Variants in PCDHGA7 observed in about 807,000 individuals in gnomAD.
PCDHGA7 encodes the protein protocadherin gamma subfamily A, 7.
In PCDHGA7, 44 loss-of-function variants were observed where a neutral mutation model predicts 58.3. The ratio of observed to expected loss-of-function variants is 0.75; its 90% CI spans 0.59 to 0.97. The LOEUF is 0.97. Ranked by LOEUF, PCDHGA7 falls within the 50% of genes least tolerant of loss-of-function variation. The pLI, the probability that PCDHGA7 is intolerant of heterozygous loss-of-function variation, is 0.00. For synonymous variants in PCDHGA7, 516 were observed against 504.2 expected, an observed-to-expected ratio of 1.02 and a Z score of -0.31; for missense variants, 1,266 against 1,188.7, an observed-to-expected ratio of 1.06 and a Z score of -0.96.
At position 141,487,700 on chromosome 5, in the gene PCDHGA7, C is replaced by A; in HGVS notation, c.2425-7107C>A. On this transcript the variant is annotated intron_variant, in intron 1 of 3. Coordinates refer to ENST00000518325, the MANE Select transcript of PCDHGA7 (RefSeq NM_018920.4). This position sits in a 1 kb window ranked among gnomAD's most constrained non-coding sequence, Gnocchi z 5.0. ...AGGCCATGTCCTAGAGAGTACTGGCCTCTCAGTAAGTGCCCATAGTGATGT... is the reference window on the plus strand; with the variant it reads ...AGGCCATGTCCTAGAGAGTACTGGCATCTCAGTAAGTGCCCATAGTGATGT... The A allele has an allele frequency of 6.3e-7, 1 of 1,597,514 alleles. No homozygotes were observed. Among genetic ancestry groups the A allele is most frequent in the African/African-American group, 1.3e-5 (1 of 74,868 alleles).
intron 1 of PCDHGA7, chr5:141,399,976 C>CTGCGCACAGGAGAGG: frequency 1.2e-6 from 2 of 1,612,242 alleles, no homozygotes; most frequent in Non-Finnish European, 1.7e-6. Flanking sequence ...CAGCCTGGGG[C>CTGCGCACAGGAGAGG]TGCGCACAGG....
chr5:141,409,608 C>T, intron 1 of PCDHGA7: 18 of 1,613,942 alleles, frequency 1.1e-5, no homozygotes, highest in Non-Finnish European at 1.4e-5. Flanking sequence ...CCGCCAGGAG[C>T]CTCCATTGCG....
At chr5:141,464,883 T>G (rs995385615) in intron 1 of PCDHGA7, among the ~76,000 whole-genome samples, 1 of 152,086 alleles carries the variant, frequency 6.6e-6, no homozygotes, top group African/African-American at 2.4e-5. Flanking sequence ...GGACTACAGA[T>G]GGATGCCACC....
chr5:141,478,799 CTT>C, intron 1 of PCDHGA7: 1 of 1,463,738 alleles, frequency 6.8e-7, no homozygotes, highest in Non-Finnish European at 9.0e-7. Flanking sequence ...CCTCAGCACT[CTT>C]TTGCTATCAC....
chr5:141,503,268 C>A (rs1038268807), intron 2 of PCDHGA7, among the ~76,000 whole-genome samples: 6 of 152,068 alleles, frequency 3.9e-5, no homozygotes, highest in African/African-American at 7.2e-5. Context: ...AACCCCAGCA[C>A]CTGGCTCTGT....
At chr5:141,412,729 T>C (rs1411212101) in intron 1 of PCDHGA7, 1 of 153,332 alleles carries the variant, frequency 6.5e-6, no homozygotes, top group Non-Finnish European at 1.5e-5. Flanking sequence ...GAAAACGTGT[T>C]GCAAATATAT....
At position 141,385,015 on chromosome 5, in the gene PCDHGA7, G is replaced by C; in HGVS notation, c.2116G>C (p.Ala706Pro). Residue 706 changes from alanine (A) to proline (P), a missense_variant, in exon 1 of 4, where the codon GCC becomes CCC. Ala to Pro is a conservative substitution (Grantham distance 27). Coordinates refer to ENST00000518325, the MANE Select transcript of PCDHGA7 (RefSeq NM_018920.4). ...GGCCACAGTCTCCTGCGTCTTCCTA[G>C]CCTTCGTCCTCGTACTGCTGGCGCT... ...AVATVSCVFL[A>P]FVLVLLALRL... is the part of the protein sequence containing the mutation. The C allele has an allele frequency of 1.2e-6, 2 of 1,614,018 alleles. No individual in the cohort carries two copies. The highest frequency in any genetic ancestry group is 2.2e-5 in the South Asian group (2 of 91,092).
rs145718404 is a variant in PCDHGA7 at position 141,404,928 on chromosome 5, C to T, written c.2424+19605C>T. On this transcript the variant is annotated intron_variant, in intron 1 of 3. Transcript: ENST00000518325. ...CAGCCCCCTCTCTCGGCCACTGTCA[C>T]GCTCACAGTAGCCATAGCTGACAGC... The T allele has an allele frequency of 1.6e-4, 263 of 1,613,866 alleles. 1 individual carries two copies. In the African/African-American group the frequency reaches 2.2e-3, roughly 13 times the overall value.
chr5:141,414,463 G>T, intron 1 of PCDHGA7: 1 of 1,613,932 alleles, frequency 6.2e-7, no homozygotes. Flanking sequence ...GACAGCCACA[G>T]ATGGGGGAAG....
chr5:141,408,431 G>A, intron 1 of PCDHGA7: 1 of 1,614,064 alleles, frequency 6.2e-7, no homozygotes. Flanking sequence ...GCACTTCAGC[G>A]TAGACGCGGA....
chr5:141,408,806 C>A (rs1368887332), intron 1 of PCDHGA7: 2 of 1,612,894 alleles, frequency 1.2e-6, no homozygotes, highest in African/African-American at 1.3e-5. Flanking sequence ...ACTCCTAGAC[C>A]GGGAAGAACA....
At position 141,476,760 on chromosome 5, in the gene PCDHGA7, C is replaced by A; in HGVS notation, c.2425-18047C>A. The A allele has an allele frequency of 6.2e-7, 1 of 1,613,824 alleles. No homozygotes were observed. Among genetic ancestry groups the A allele is most frequent in the Non-Finnish European group, 8.5e-7 (1 of 1,180,010 alleles). On this transcript the variant is annotated intron_variant, in intron 1 of 3. Coordinates refer to ENST00000518325, the MANE Select transcript of PCDHGA7 (RefSeq NM_018920.4). This position sits in a 1 kb window ranked among gnomAD's most constrained non-coding sequence, Gnocchi z 7.6. ...GAGCCTAGTCTCCAGTTAGTGCTGA[C>A]GGCGTTGGACGGAGGGACCCCAGCT...
rs61612330 is a variant in PCDHGA7 at position 141,454,796 on chromosome 5, ATTTTTTTT to A, written c.2425-39989_2425-39982del. Reference sequence around the variant, plus strand: ...AAGGAAATAATCCTCCATGGTTCTAATTTTTTTTTTTTTTTTTTTTTTTTTTTTTGAGA... The same window carrying A: ...AAGGAAATAATCCTCCATGGTTCTAATTTTTTTTTTTTTTTTTTTTTGAGA... On this transcript the variant is annotated intron_variant, in intron 1 of 3. Transcript: ENST00000518325. Among the ~76,000 whole-genome samples, 398 of 77,454 alleles carry A rather than the reference ATTTTTTTT, an allele frequency of 5.1e-3. 2 individuals are homozygous for A. The highest frequency in any genetic ancestry group is 0.021 in the African/African-American group (363 of 16,886). 50.8% of individuals were successfully genotyped at this position (77,454 alleles called of 152,430 possible).
At position 141,385,162 on chromosome 5, in the gene PCDHGA7, C is replaced by T. The variant is rs750299709; in HGVS notation, c.2263C>T (p.His755Tyr). The T allele has an allele frequency of 6.2e-7, 1 of 1,614,118 alleles. No homozygotes were observed. Among genetic ancestry groups the T allele is most frequent in the African/African-American group, 1.3e-5 (1 of 74,946 alleles). Residue 755 changes from histidine (H) to tyrosine (Y), a missense_variant, in exon 1 of 4, where the codon CAT becomes TAT. Transcript: ENST00000518325. ...GVQAFLQTYSHEVSLTADSRK... is the reference protein window; with the variant it reads ...GVQAFLQTYSYEVSLTADSRK... ...GCAGGCTTTCCTGCAGACCTATTCC[C>T]ATGAGGTCTCCCTCACCGCGGACTC...
intron 1 of PCDHGA7, chr5:141,408,489 G>A: frequency 6.2e-7 from 1 of 1,614,076 alleles, no homozygotes; most frequent in Non-Finnish European, 8.5e-7. Flanking sequence ...GAGCAAATAT[G>A]CAAAGAGAGA....
chr5:141,430,578 C>A (rs1561846151), intron 1 of PCDHGA7: 8 of 470,816 alleles, frequency 1.7e-5, no homozygotes, highest in East Asian at 1.0e-4. Flanking sequence ...AGCGGAGATC[C>A]TGCTCGCCTT....
chr5:141,385,615 T>C, intron 1 of PCDHGA7: 2 of 1,097,512 alleles, frequency 1.8e-6, no homozygotes, highest in East Asian at 4.2e-5. Flanking sequence ...ATATATTTTA[T>C]ACATTGGAAT....
At chr5:141,458,319 T>C (rs2879229) in intron 1 of PCDHGA7, among the ~76,000 whole-genome samples, 84,591 of 151,864 alleles carry the variant, frequency 0.56, 26,265 homozygotes, top group African/African-American at 0.85. Flanking sequence ...CACAGACACA[T>C]GTGGAGTGGT....
chr5:141,445,576 G>A (rs1459010134), intron 1 of PCDHGA7, among the ~76,000 whole-genome samples: 1 of 152,158 alleles, frequency 6.6e-6, no homozygotes, highest in Non-Finnish European at 1.5e-5. Flanking sequence ...TTATAGTAGG[G>A]AAGCTTCGCC....
Sources: gnomAD v4.1 joint callset for allele counts (sites outside exome capture counted in the v4.1 genomes callset) on GRCh38, gnomAD v4.1.1 for gene constraint, Gnocchi (gnomAD v3.1) non-coding constraint, MANE v1.5 for transcripts, NCBI Gene and HGNC (gene_info 2026-07-23, HGNC 2026-07-21) for gene names.